Variants in KIF25 observed in about 807,000 individuals in gnomAD.
KIF25 encodes the protein kinesin family member 25, also known as kinesin-like protein KIF25.
Under a neutral mutation model 32.9 loss-of-function variants are expected in KIF25, and 19 were observed. The observed-to-expected ratio is 0.58, with a 90% CI of 0.40 to 0.85. The LOEUF is 0.85. Among genes scored for constraint, KIF25 ranks in the 40% least tolerant of loss-of-function variants. The pLI, the probability that KIF25 is intolerant of heterozygous loss-of-function variation, is 0.00. For synonymous variants in KIF25, 225 were observed against 213.7 expected (o/e 1.05, Z -0.46); for missense variants, 485 against 507.0 (o/e 0.96, Z 0.42).
At chr6:168,017,028 C>T (rs1372257195) in intron 4 of KIF25, among the ~76,000 whole-genome samples, 2 of 152,264 alleles carry the variant, frequency 1.3e-5, no homozygotes, top group African/African-American at 4.8e-5. Flanking sequence ...CATTTCACAT[C>T]GGAGACCTCA....
chr6:167,999,025 C>T (rs1460588720), intron 1 of KIF25, 67 bp from the exon 2 acceptor site: 2 of 152,206 alleles, frequency 1.3e-5, no homozygotes, highest in African/African-American at 4.8e-5. Flanking sequence ...GCACTCCAGC[C>T]TGGGCGACAG....
At chr6:168,008,788 C>T (rs1798610999) in intron 4 of KIF25, among the ~76,000 whole-genome samples, 1 of 152,006 alleles carries the variant, frequency 6.6e-6, no homozygotes, top group African/African-American at 2.4e-5. Flanking sequence ...GGTTTCTCAC[C>T]TCCTTGGTTA....
At position 168,038,703 on chromosome 6, in the gene KIF25, G is replaced by A; in HGVS notation, c.468G>A (p.Arg156=). The stretch of plus-strand genomic sequence containing the variant: ...AGGTGGTGACAGCCAAGGATGGACG[G>A]ACAGAGGTTGCGCTGCTGGCCTCTG... ...KREVVTAKDG[R]TEVALLASEA... is the part of the protein sequence containing the mutation. Residue 156 remains arginine, a synonymous_variant, in exon 9 of 13, where the codon CGG becomes CGA. Coordinates refer to ENST00000643607, the MANE Select transcript of KIF25 (RefSeq NM_030615.4). 1 of 1,613,956 alleles carries A rather than the reference G, an allele frequency of 6.2e-7. No homozygotes were observed.
At chr6:168,011,673 C>T (rs1334448583) in intron 4 of KIF25, among the ~76,000 whole-genome samples, 2 of 152,152 alleles carry the variant, frequency 1.3e-5, no homozygotes, top group East Asian at 1.9e-4. Context: ...TGGAGAGGAC[C>T]TGCCTGGGGG....
chr6:168,009,647 C>T (rs1255368067), intron 4 of KIF25, among the ~76,000 whole-genome samples: 4 of 151,890 alleles, frequency 2.6e-5, no homozygotes, highest in East Asian at 3.8e-4. Flanking sequence ...CAGAAGAATT[C>T]GTATTAATTA....
rs148660820 is a variant in KIF25, at chr6:168,013,235, C to T, written c.-162-4738C>T. ...CCTCTCCTGCTTGGGGAAAGGTGAACAGCAGCTTGGCTAACTCAAGGGCAG... is the reference window on the plus strand; with the variant it reads ...CCTCTCCTGCTTGGGGAAAGGTGAATAGCAGCTTGGCTAACTCAAGGGCAG... On this transcript the variant is annotated intron_variant, in intron 4 of 12. Transcript: ENST00000643607. Among the ~76,000 whole-genome samples, 502 of 151,742 alleles carry T rather than the reference C, an allele frequency of 3.3e-3. 3 individuals are homozygous for T. Among genetic ancestry groups the T allele is most frequent in the African/African-American group, 0.012 (481 of 41,308 alleles).
Position 168,042,096 on chromosome 6 carries a change from G to A in KIF25, c.774G>A (p.Ala258=), listed in dbSNP as rs769995981. ...QLVPGNPAGH[A]EQVQARLQLV... The stretch of plus-strand genomic sequence containing the variant: ...TTCCTGGGAACCCCGCAGGGCATGC[G>A]GAGCAGGTGCAGGCTCGACTACAGC... The change falls in exon 11 of 13, where the codon GCG becomes GCA. Residue 258 remains alanine (A), a synonymous_variant. Transcript: ENST00000643607. 30 of 1,551,456 alleles carry A rather than the reference G, an allele frequency of 1.9e-5. No homozygotes were observed. The South Asian group carries it at 2.1e-4, about 11-fold the overall frequency.
chr6:167,998,430 G>A lies in KIF25; in HGVS notation c.-1039G>A, dbSNP rs1798452359. On this transcript the variant is annotated 5_prime_UTR_variant, in exon 1 of 13. Coordinates refer to ENST00000643607, the MANE Select transcript of KIF25 (RefSeq NM_030615.4). ...CCACTTGGTTTTCAAAATGTAGAAGGAGCTGCTCAGCATGACAGGGTGGAT... is the reference window on the plus strand; with the variant it reads ...CCACTTGGTTTTCAAAATGTAGAAGAAGCTGCTCAGCATGACAGGGTGGAT... 2 of 152,188 alleles carry A rather than the reference G, an allele frequency of 1.3e-5. No homozygotes were observed. Among genetic ancestry groups the A allele is most frequent in the South Asian group, 4.1e-4 (2 of 4,828 alleles). 9.4% of individuals were successfully genotyped at this position (152,188 alleles called of 1,614,324 possible).
At chr6:168,012,085 A>C (rs1798654736) in intron 4 of KIF25, among the ~76,000 whole-genome samples, 1 of 151,788 alleles carries the variant, frequency 6.6e-6, no homozygotes, top group Non-Finnish European at 1.5e-5. Context: ...TCAAATTATG[A>C]ATTGTTTTTC....
At chr6:168,010,297 T>C (rs1407888888) in intron 4 of KIF25, among the ~76,000 whole-genome samples, 3 of 152,278 alleles carry the variant, frequency 2.0e-5, no homozygotes, top group East Asian at 1.9e-4. Context: ...TTTTTTGCTG[T>C]GTCCCATAGG....
Position 167,998,283 on chromosome 6 carries a change from C to G in KIF25, c.-1186C>G, listed in dbSNP as rs1032932230. ...GAGTGTTCCACCTCAAGCCTGGTCTCCTGGTCTAGCTGAGGAGCGTGCAGT... is the reference window on the plus strand; with the variant it reads ...GAGTGTTCCACCTCAAGCCTGGTCTGCTGGTCTAGCTGAGGAGCGTGCAGT... On this transcript the variant is annotated 5_prime_UTR_variant, in exon 1 of 13. Transcript: ENST00000643607. The G allele has an allele frequency of 6.6e-6, 1 of 152,138 alleles. No individual in the cohort carries two copies. Among genetic ancestry groups the G allele is most frequent in the African/African-American group, 2.4e-5 (1 of 41,406 alleles). The allele number at this position is 152,138 out of a possible 1,614,324, so 9.4% of individuals were successfully genotyped here. A position where few individuals can be genotyped will look rare whatever the true frequency, so the allele number is the denominator to read the frequency against.
At chr6:168,003,302 AATAC>A (rs972587243) in intron 3 of KIF25, among the ~76,000 whole-genome samples, 3 of 152,230 alleles carry the variant, frequency 2.0e-5, no homozygotes, top group Admixed American at 6.5e-5. Context: ...AGAAGAAAAT[AATAC>A]ATAAAAAGTA....
At chr6:168,040,309 T>G in intron 10 of KIF25, 93 bp downstream of exon 10, 1 of 1,293,308 alleles carries the variant, frequency 7.7e-7, no homozygotes, top group South Asian at 1.5e-5. Context: ...CTCACGCCTG[T>G]AATCCCAGCA....
At chr6:168,024,826 G>A (rs2114891039) in intron 5 of KIF25, among the ~76,000 whole-genome samples, 1 of 152,216 alleles carries the variant, frequency 6.6e-6, no homozygotes, top group East Asian at 1.9e-4. Context: ...CTAGGTGGGT[G>A]GATCACCTGA....
chr6:168,033,859 A>C, intron 7 of KIF25, 23 bp from the exon 8 acceptor site: 1 of 1,601,314 alleles, frequency 6.2e-7, no homozygotes, highest in Non-Finnish European at 8.5e-7. Context: ...GTTTTGCTGG[A>C]CTGAATCTGC....
intron 8 of KIF25, chr6:168,035,907 C>CA (rs1799019131): frequency 2.5e-6 from 1 of 400,394 alleles, no homozygotes; most frequent in African/African-American, 2.0e-5. Context: ...CTCATCACAT[C>CA]CACACACGAC....
intron 9 of KIF25, 57 bp from the exon 10 acceptor site, chr6:168,040,008 G>T: frequency 6.5e-7 from 1 of 1,545,290 alleles, no homozygotes. Flanking sequence ...CTTGGAAGTC[G>T]CCTTAGGTAA....
At chr6:168,024,317 G>GT (rs139269950) in intron 5 of KIF25, among the ~76,000 whole-genome samples, 23,832 of 148,678 alleles carry the variant, frequency 0.16, 2,119 homozygotes, top group East Asian at 0.32. Context: ...GTGACACACA[G>GT]TTTTTTTTAC....
intron 7 of KIF25, 144 bp downstream of exon 7, chr6:168,030,991 G>A: frequency 1.7e-6 from 1 of 589,946 alleles, no homozygotes. Flanking sequence ...ACCCAGCATG[G>A]ACTCCACTTG....
Sources: allele counts gnomAD v4.1 joint callset (sites outside exome capture counted in the v4.1 genomes callset), GRCh38; gene constraint gnomAD v4.1.1; transcripts MANE v1.5; gene names NCBI Gene and HGNC (gene_info 2026-07-23, HGNC 2026-07-21).